The following HMGCLL1 variants were observed in gnomAD, a reference collection of about 807,000 sequenced individuals.
The protein encoded by HMGCLL1 is 3-hydroxymethyl-3-methylglutaryl-CoA lyase, cytoplasmic.
HMGCLL1 carries 36 observed loss-of-function variants against 39.1 expected under a neutral mutation model. That is an observed-to-expected ratio of 0.92 (90% CI 0.71 to 1.22). The LOEUF is 1.22. HMGCLL1 is among the 50% of genes most tolerant of loss of function. HMGCLL1 has a pLI of 0.00. For missense variants in HMGCLL1, 451 were observed against 416.5 expected (o/e 1.08, Z -0.72); for synonymous variants, 149 against 144.0 (o/e 1.03, Z -0.25).
chr6:55,662,729 T>A, the HMGCLL1 span, among the ~76,000 whole-genome samples: 2 of 151,804 alleles, frequency 1.3e-5, no homozygotes, highest in Non-Finnish European at 2.9e-5. Context: ...CCTCCTCAGT[T>A]TTTTTTGCAA....
chr6:55,555,945 T>G (rs1323125294), intron 1 of HMGCLL1, among the ~76,000 whole-genome samples: 2 of 151,882 alleles, frequency 1.3e-5, no homozygotes, highest in Non-Finnish European at 2.9e-5. Flanking sequence ...TGAGGTAGAG[T>G]TGAACATTTC....
chr6:55,454,854 G>A (rs1288323122), intron 7 of HMGCLL1, among the ~76,000 whole-genome samples: 8 of 152,170 alleles, frequency 5.3e-5, no homozygotes, highest in African/African-American at 1.9e-4. Flanking sequence ...CATTTATTAG[G>A]AGACATCTAT....
chr6:55,599,604 A>G, the HMGCLL1 span, among the ~76,000 whole-genome samples: 8 of 152,190 alleles, frequency 5.3e-5, no homozygotes, highest in Non-Finnish European at 1.2e-4. Flanking sequence ...GCAATTAAAG[A>G]AAAATAAGTA....
the HMGCLL1 span, among the ~76,000 whole-genome samples, chr6:55,621,524 T>C: frequency 2.0e-5 from 3 of 151,926 alleles, no homozygotes; most frequent in African/African-American, 7.2e-5. Flanking sequence ...TACTGTGACC[T>C]GCCCATGTGA....
chr6:55,543,142 T>A (rs370786824), intron 1 of HMGCLL1, among the ~76,000 whole-genome samples: 229 of 5,746 alleles, frequency 0.04, 17 homozygotes, highest in African/African-American at 0.074. Flanking sequence ...TATGATATAT[T>A]ATATATTATA....
the HMGCLL1 span, among the ~76,000 whole-genome samples, chr6:55,636,987 T>A: frequency 1.3e-5 from 2 of 152,160 alleles, no homozygotes; most frequent in Non-Finnish European, 2.9e-5. Context: ...ATAAAATTAC[T>A]TCCTCCACAC....
At chr6:55,575,765 G>A (rs1006345782) in intron 1 of HMGCLL1, among the ~76,000 whole-genome samples, 7 of 152,068 alleles carry the variant, frequency 4.6e-5, no homozygotes, top group African/African-American at 1.7e-4. Flanking sequence ...AGACAAAAAG[G>A]TGAGAGAAAA....
At chr6:55,519,439 C>G (rs145749326) in intron 3 of HMGCLL1, among the ~76,000 whole-genome samples, 1 of 152,188 alleles carries the variant, frequency 6.6e-6, no homozygotes, top group Non-Finnish European at 1.5e-5. Flanking sequence ...ATAGTTTGTA[C>G]ATATTTACAC....
chr6:55,446,886 T>G (rs888591151), intron 7 of HMGCLL1, among the ~76,000 whole-genome samples: 4 of 152,050 alleles, frequency 2.6e-5, no homozygotes, highest in African/African-American at 9.7e-5. Context: ...GATTATTATT[T>G]TTGAAGTCAT....
At chr6:55,577,689 C>A (rs1248950455) in intron 1 of HMGCLL1, among the ~76,000 whole-genome samples, 2 of 152,080 alleles carry the variant, frequency 1.3e-5, no homozygotes. Context: ...CATATAAACT[C>A]TCAGACTTAG....
At chr6:55,513,336 G>A (rs1767563721) in intron 5 of HMGCLL1, 2 of 152,080 alleles carry the variant, frequency 1.3e-5, no homozygotes, top group Admixed American at 6.6e-5. Flanking sequence ...ATGAACAGCT[G>A]ATAAGTTTCC....
intron 4 of HMGCLL1, among the ~76,000 whole-genome samples, chr6:55,515,928 A>G (rs1478030811): frequency 2.0e-5 from 3 of 152,108 alleles, no homozygotes; most frequent in South Asian, 2.1e-4. Flanking sequence ...AAGCCCATAT[A>G]CGGATAACAC....
chr6:55,649,693 C>G, the HMGCLL1 span, among the ~76,000 whole-genome samples: 1 of 151,910 alleles, frequency 6.6e-6, no homozygotes, highest in East Asian at 1.9e-4. Context: ...TCTCTACCTC[C>G]TCTTTAAGGC....
At chr6:55,673,108 A>G in the HMGCLL1 span, among the ~76,000 whole-genome samples, 1 of 151,982 alleles carries the variant, frequency 6.6e-6, no homozygotes, top group Non-Finnish European at 1.5e-5. Flanking sequence ...GTCCAAATAT[A>G]AACCATTTCT....
chr6:55,525,190 A>T (rs938629951), intron 3 of HMGCLL1, among the ~76,000 whole-genome samples: 5 of 122,098 alleles, frequency 4.1e-5, no homozygotes, highest in Admixed American at 2.8e-4. Context: ...ACCCACCGGG[A>T]TATGGAATCA....
intron 5 of HMGCLL1, among the ~76,000 whole-genome samples, chr6:55,500,712 T>C (rs1339668351): frequency 6.6e-6 from 1 of 152,002 alleles, no homozygotes; most frequent in African/African-American, 2.4e-5. Flanking sequence ...GTTTATGCTT[T>C]AGATAATCTG....
the HMGCLL1 span, among the ~76,000 whole-genome samples, chr6:55,666,086 T>C: frequency 6.6e-6 from 1 of 151,692 alleles, no homozygotes; most frequent in African/African-American, 2.4e-5. Context: ...CTCATAACTT[T>C]TCAGCTCACA....
chr6:55,630,331 C>T, the HMGCLL1 span, among the ~76,000 whole-genome samples: 1 of 151,960 alleles, frequency 6.6e-6, no homozygotes. Context: ...GCCTATTTCT[C>T]CCATTTAGAA....
intron 1 of HMGCLL1, among the ~76,000 whole-genome samples, chr6:55,572,036 G>T (rs1245555293): frequency 6.6e-6 from 1 of 151,916 alleles, no homozygotes; most frequent in Non-Finnish European, 1.5e-5. Flanking sequence ...AAGTAGAGAA[G>T]AATTTTTTCA....
Sources: allele counts gnomAD v4.1 joint callset (sites outside exome capture counted in the v4.1 genomes callset), GRCh38; gene constraint gnomAD v4.1.1; transcripts MANE v1.5; gene names NCBI Gene and HGNC (gene_info 2026-07-23, HGNC 2026-07-21).